Variants in FUT9 observed in about 807,000 individuals in gnomAD.
FUT9 encodes the protein 4-galactosyl-N-acetylglucosaminide 3-alpha-L-fucosyltransferase 9.
Under a neutral mutation model 29.7 loss-of-function variants are expected in FUT9, and 15 were observed. The observed-to-expected ratio is 0.51, with a 90% CI of 0.34 to 0.78. FUT9 has a LOEUF of 0.78. Among genes scored for constraint, FUT9 ranks in the 30% least tolerant of loss-of-function variants. FUT9 has a pLI of 0.01. For missense variants in FUT9, 319 were observed against 425.4 expected, an observed-to-expected ratio of 0.75 and a Z score of 2.20; for synonymous variants, 169 against 153.7, an observed-to-expected ratio of 1.10 and a Z score of -0.74.
At chr6:96,194,214 A>G (rs1773577156) in intron 2 of FUT9, among the ~76,000 whole-genome samples, 1 of 152,210 alleles carries the variant, frequency 6.6e-6, no homozygotes, top group African/African-American at 2.4e-5. Flanking sequence ...ATAAAAAATA[A>G]AATTTAGTGT....
chr6:96,054,944 T>A (rs1183774463), intron 1 of FUT9, among the ~76,000 whole-genome samples: 1 of 152,178 alleles, frequency 6.6e-6, no homozygotes. Flanking sequence ...TGTTTGTGAT[T>A]TCCTTTTCTT....
intron 2 of FUT9, among the ~76,000 whole-genome samples, chr6:96,141,152 G>A (rs772311295): frequency 1.3e-5 from 2 of 151,956 alleles, no homozygotes; most frequent in Non-Finnish European, 2.9e-5. Context: ...AACACAATAT[G>A]GAAGCTATCC....
intron 1 of FUT9, among the ~76,000 whole-genome samples, chr6:96,037,657 T>C (rs1216263458): frequency 6.8e-6 from 1 of 147,182 alleles, no homozygotes; most frequent in Non-Finnish European, 1.5e-5. Flanking sequence ...TGCAAATGCT[T>C]AGTCATTAGT....
intron 2 of FUT9, among the ~76,000 whole-genome samples, chr6:96,139,355 A>G (rs1772417910): frequency 6.6e-6 from 1 of 152,190 alleles, no homozygotes; most frequent in Admixed American, 6.5e-5. Flanking sequence ...GTGTCTTTGC[A>G]GGGTACAGAT....
chr6:96,158,608 A>G (rs1772836138), intron 2 of FUT9, among the ~76,000 whole-genome samples: 1 of 152,098 alleles, frequency 6.6e-6, no homozygotes, highest in African/African-American at 2.4e-5. Context: ...ACAGACACTC[A>G]TTAATCAGCT....
At chr6:96,151,552 C>T (rs1461108395) in intron 2 of FUT9, among the ~76,000 whole-genome samples, 3 of 152,244 alleles carry the variant, frequency 2.0e-5, no homozygotes, top group Admixed American at 2.0e-4. Flanking sequence ...TGCTTCAGGG[C>T]ACTGCAAATG....
chr6:96,201,916 G>A (rs1773731783), intron 2 of FUT9, among the ~76,000 whole-genome samples: 1 of 150,970 alleles, frequency 6.6e-6, no homozygotes, highest in African/African-American at 2.4e-5. Context: ...AAACTACATA[G>A]CAAAAGAAGG....
intron 1 of FUT9, among the ~76,000 whole-genome samples, chr6:96,056,864 G>A (rs1371189524): frequency 6.6e-6 from 1 of 152,136 alleles, no homozygotes; most frequent in Non-Finnish European, 1.5e-5. Flanking sequence ...ACGATGGTCT[G>A]ACTTGGGATT....
intron 1 of FUT9, among the ~76,000 whole-genome samples, chr6:96,090,765 A>AC (rs1435980510): frequency 3.3e-5 from 5 of 151,962 alleles, no homozygotes; most frequent in Non-Finnish European, 7.4e-5. Context: ...AGTCATACAC[A>AC]CCCCAACAGA....
intron 1 of FUT9, among the ~76,000 whole-genome samples, chr6:96,029,961 G>A (rs1770232605): frequency 6.6e-6 from 1 of 151,574 alleles, no homozygotes. Context: ...CAAATATGGT[G>A]CAGCTAAGAA....
chr6:96,062,779 T>G (rs1334048602), intron 1 of FUT9, among the ~76,000 whole-genome samples: 2 of 152,126 alleles, frequency 1.3e-5, no homozygotes, highest in Admixed American at 6.6e-5. Flanking sequence ...GAAAATAAAC[T>G]GTTTCCCCTT....
At chr6:96,155,882 GC>G (rs1772775855) in intron 2 of FUT9, among the ~76,000 whole-genome samples, 1 of 152,068 alleles carries the variant, frequency 6.6e-6, no homozygotes, top group Non-Finnish European at 1.5e-5. Flanking sequence ...ATAAATTTCT[GC>G]TGCTTAATCT....
chr6:96,192,809 A>C (rs1261137788), intron 2 of FUT9, among the ~76,000 whole-genome samples: 11 of 152,208 alleles, frequency 7.2e-5, no homozygotes, highest in African/African-American at 2.6e-4. Flanking sequence ...ACTATAATAC[A>C]AGGCTACAGT....
chr6:96,159,367 C>CA (rs66868048), intron 2 of FUT9, among the ~76,000 whole-genome samples: 26,463 of 151,650 alleles, frequency 0.17, 2,619 homozygotes, highest in East Asian at 0.24. Flanking sequence ...AGCCAAAGAA[C>CA]AAAAAATTAA....
intron 1 of FUT9, among the ~76,000 whole-genome samples, chr6:96,080,998 A>G (rs1289773432): frequency 6.6e-6 from 1 of 151,976 alleles, no homozygotes; most frequent in Non-Finnish European, 1.5e-5. Flanking sequence ...CACATGCAAC[A>G]CATCATAAAA....
chr6:96,035,938 TAATAC>T (rs1198154339), intron 1 of FUT9, among the ~76,000 whole-genome samples: 2 of 54,070 alleles, frequency 3.7e-5, no homozygotes, highest in Non-Finnish European at 6.7e-5. Context: ...TAATATAATA[TAATAC>T]ATTATGTTTA....
In FUT9 at chr6:96,215,306, A is replaced by G. The variant is rs562889096; in HGVS notation, c.*11071A>G. On this transcript the variant is annotated 3_prime_UTR_variant, in exon 3 of 3. Coordinates refer to ENST00000302103, the MANE Select transcript of FUT9 (RefSeq NM_006581.4). ...TCACAACATGGATTCCTTCTCATGG[A>G]TGTCTTTCTAGGCTTATAAATATAT... 1 of 167,086 alleles carries G rather than the reference A, an allele frequency of 6.0e-6. No individual in the cohort carries two copies. The highest frequency in any genetic ancestry group is 2.4e-5 in the African/African-American group (1 of 41,556). 10.4% of individuals were successfully genotyped at this position (167,086 alleles called of 1,614,324 possible). A position where few individuals can be genotyped will look rare whatever the true frequency, so the allele number is the denominator to read the frequency against.
rs561112955 is a variant in FUT9, at chr6:96,139,006, T to A, written c.-9+24879T>A. ...AAATCTCAATTTAATCTCCATGTTT[T>A]AAAAAAAATGACCAGCAGATAGAAA... On this transcript the variant is annotated intron_variant, in intron 2 of 2. Coordinates refer to ENST00000302103, the MANE Select transcript of FUT9 (RefSeq NM_006581.4). Among the ~76,000 whole-genome samples the A allele has an allele frequency of 3.9e-5, 6 of 152,002 alleles. No homozygotes were observed. The East Asian group carries it at 9.7e-4, about 25-fold the overall frequency.
At chr6:96,039,829 G>A (rs953941110) in intron 1 of FUT9, among the ~76,000 whole-genome samples, 14 of 152,198 alleles carry the variant, frequency 9.2e-5, no homozygotes, top group African/African-American at 3.1e-4. Flanking sequence ...TTGTGTAGAC[G>A]TAATGAAATG....
Sources: allele counts gnomAD v4.1 joint callset (sites outside exome capture counted in the v4.1 genomes callset), GRCh38; gene constraint gnomAD v4.1.1; transcripts MANE v1.5; gene names NCBI Gene and HGNC (gene_info 2026-07-23, HGNC 2026-07-21).